SLC39A11: variants seen among roughly 807,000 people sequenced by gnomAD.
SLC39A11 encodes the protein zinc transporter ZIP11.
Under a neutral mutation model 36.1 loss-of-function variants are expected in SLC39A11, and 33 were observed. The observed-to-expected ratio is 0.91, with a 90% CI of 0.69 to 1.22. The LOEUF (loss-of-function observed/expected upper bound fraction) is 1.22, where lower values mean the gene tolerates loss of function less well. Ranked by LOEUF, SLC39A11 falls within the 50% of genes most tolerant of loss-of-function variation. The pLI is 0.00. For missense variants in SLC39A11, 432 were observed against 430.3 expected (o/e 1.00, Z -0.03); for synonymous variants, 166 against 170.3 (o/e 0.97, Z 0.20).
At chr17:72,846,016 C>CTTGTTTT (rs1298340666) in intron 6 of SLC39A11, among the ~76,000 whole-genome samples, 1 of 85,318 alleles carries the variant, frequency 1.2e-5, no homozygotes, top group Non-Finnish European at 2.3e-5. Flanking sequence ...CTCTCTCTCT[C>CTTGTTTT]TCTTTTTTTT....
intron 5 of SLC39A11, among the ~76,000 whole-genome samples, chr17:72,863,579 A>AC (rs1160118042): frequency 6.6e-6 from 1 of 152,008 alleles, no homozygotes; most frequent in African/African-American, 2.4e-5. Context: ...ATTAGAGTCT[A>AC]CCCCATAAAC....
intron 6 of SLC39A11, among the ~76,000 whole-genome samples, chr17:72,783,189 C>G (rs2076387241): frequency 6.6e-6 from 1 of 150,912 alleles, no homozygotes; most frequent in African/African-American, 2.5e-5. Flanking sequence ...AAAGCAGATT[C>G]TCACCAGACA....
intron 7 of SLC39A11, among the ~76,000 whole-genome samples, chr17:72,671,690 C>T (rs2071027155): frequency 6.6e-6 from 1 of 151,646 alleles, no homozygotes; most frequent in African/African-American, 2.4e-5. Context: ...CACTGCACTC[C>T]AGCCTGGGCA....
chr17:72,694,898 G>T (rs1409634195), intron 7 of SLC39A11, among the ~76,000 whole-genome samples: 2 of 152,192 alleles, frequency 1.3e-5, no homozygotes, highest in Admixed American at 1.3e-4. Context: ...TCCTCCCCGG[G>T]AGAGTCTCTG....
intron 5 of SLC39A11, among the ~76,000 whole-genome samples, chr17:72,855,639 G>A (rs747187781): frequency 2.0e-5 from 3 of 152,342 alleles, no homozygotes; most frequent in Non-Finnish European, 4.4e-5. Context: ...GCTCACGCCT[G>A]TAATCACAGC....
intron 5 of SLC39A11, among the ~76,000 whole-genome samples, chr17:72,852,228 A>AAACAAAAAAAAAAAAC (rs1491123331): frequency 7.4e-6 from 1 of 134,828 alleles, no homozygotes; most frequent in African/African-American, 2.7e-5. Context: ...AAAAAAAAAA[A>AAACAAAAAAAAAAAAC]CAGAAAGAAA....
chr17:72,720,609 A>T (rs56205937), intron 7 of SLC39A11, among the ~76,000 whole-genome samples: 21,037 of 152,124 alleles, frequency 0.14, 1,568 homozygotes, highest in African/African-American at 0.19. Flanking sequence ...GTGTGCCAGG[A>T]AGCAAGAGCA....
chr17:73,026,370 C>T (rs750032597), intron 4 of SLC39A11, among the ~76,000 whole-genome samples: 2 of 151,640 alleles, frequency 1.3e-5, no homozygotes, highest in Non-Finnish European at 2.9e-5. Context: ...ACAAAATTAG[C>T]CAGGCATGGT....
chr17:72,994,969 C>A (rs972383756), intron 4 of SLC39A11, among the ~76,000 whole-genome samples: 1 of 152,156 alleles, frequency 6.6e-6, no homozygotes, highest in Admixed American at 6.6e-5. Context: ...AAGACCCTGC[C>A]CTAAAAAGCT....
At chr17:72,881,500 T>C (rs1404575620) in intron 5 of SLC39A11, among the ~76,000 whole-genome samples, 1 of 152,224 alleles carries the variant, frequency 6.6e-6, no homozygotes, top group Non-Finnish European at 1.5e-5. Flanking sequence ...AAGTTTCTTT[T>C]CTGTAGGATT....
intron 4 of SLC39A11, among the ~76,000 whole-genome samples, chr17:73,014,846 T>G (rs9891292): frequency 0.86 from 130,637 of 152,050 alleles, 56,893 homozygotes; most frequent in Non-Finnish European, 0.93. Flanking sequence ...TCCTATCTCA[T>G]GTATTCGTGC....
chr17:72,945,453 G>T (rs1055100268), intron 5 of SLC39A11, among the ~76,000 whole-genome samples: 1 of 152,178 alleles, frequency 6.6e-6, no homozygotes, highest in Non-Finnish European at 1.5e-5. Flanking sequence ...TACAAATAAT[G>T]CATATTCAGG....
chr17:72,817,418 GA>G (rs1384118042), intron 6 of SLC39A11, among the ~76,000 whole-genome samples: 1 of 152,046 alleles, frequency 6.6e-6, no homozygotes, highest in Non-Finnish European at 1.5e-5. Context: ...CTGGAACTAA[GA>G]GTGAGAACTT....
intron 6 of SLC39A11, chr17:72,839,493 G>A (rs1249920368): frequency 6.7e-6 from 1 of 148,450 alleles, no homozygotes; most frequent in Non-Finnish European, 1.5e-5. Flanking sequence ...CACAAGCCAA[G>A]GAATGCCTGC....
Position 72,744,242 on chromosome 17 carries a change from C to T in SLC39A11, c.602-7523G>A, listed in dbSNP as rs192786403. Among the ~76,000 whole-genome samples, 978 of 152,298 alleles carry T rather than the reference C, an allele frequency of 6.4e-3. 6 individuals are homozygous for T. Among genetic ancestry groups the T allele is most frequent in the Middle Eastern group, 0.014 (4 of 294 alleles). On this transcript the variant is annotated intron_variant, in intron 6 of 9. Coordinates refer to ENST00000255559, the MANE Select transcript of SLC39A11 (RefSeq NM_139177.4). ...ATGAAATGTACCTGACAGGCCTGTTCAGGGTTCCCCACTATTGACATTTGG... is the reference window on the plus strand; with the variant it reads ...ATGAAATGTACCTGACAGGCCTGTTTAGGGTTCCCCACTATTGACATTTGG...
intron 6 of SLC39A11, among the ~76,000 whole-genome samples, chr17:72,802,921 G>A (rs551299988): frequency 6.6e-6 from 1 of 152,206 alleles, no homozygotes. Flanking sequence ...GGCTGGAAAC[G>A]TCCATGGAGT....
chr17:72,727,651 CAAAA>C (rs57874434), intron 7 of SLC39A11, among the ~76,000 whole-genome samples: 8 of 73,176 alleles, frequency 1.1e-4, no homozygotes, highest in Non-Finnish European at 1.8e-4. Flanking sequence ...GACTCCGTCT[CAAAA>C]AAAAAAAAAA....
intron 6 of SLC39A11, among the ~76,000 whole-genome samples, chr17:72,755,202 A>G (rs1018649496): frequency 6.6e-6 from 1 of 152,228 alleles, no homozygotes; most frequent in African/African-American, 2.4e-5. Context: ...ACAGATGTGA[A>G]ATGAGGAAAG....
At chr17:72,764,539 G>C (rs930929514) in intron 6 of SLC39A11, among the ~76,000 whole-genome samples, 3 of 152,094 alleles carry the variant, frequency 2.0e-5, no homozygotes, top group African/African-American at 7.2e-5. Context: ...CAGGCCTTGT[G>C]TACCCCTTCA....
Sources: allele counts gnomAD v4.1 joint callset (sites outside exome capture counted in the v4.1 genomes callset), GRCh38; gene constraint gnomAD v4.1.1; transcripts MANE v1.5; gene names NCBI Gene and HGNC (gene_info 2026-07-23, HGNC 2026-07-21).